Variants in LRRC36 observed in about 807,000 individuals in gnomAD.
LRRC36 encodes leucine-rich repeat-containing protein 36.
In LRRC36, 62 loss-of-function variants were observed where a neutral mutation model predicts 81.1. That is an observed-to-expected ratio of 0.76 (90% confidence interval 0.62 to 0.94). The LOEUF (loss-of-function observed/expected upper bound fraction) is 0.94, where lower values mean the gene tolerates loss of function less well. Ranked by LOEUF, LRRC36 falls within the 40% of genes least tolerant of loss-of-function variation. The pLI, the probability that LRRC36 is intolerant of heterozygous loss-of-function variation, is 0.00. For missense variants in LRRC36, 761 were observed against 881.7 expected (o/e 0.86, Z 1.73); for synonymous variants, 334 against 348.6 (o/e 0.96, Z 0.47).
rs980623178 is a variant in LRRC36, at chr16:67,335,879, T to A, written c.71-6078T>A. Among the ~76,000 whole-genome samples the A allele has an allele frequency of 3.3e-5, 5 of 152,168 alleles. 1 individual carries two copies. On this transcript the variant is annotated intron_variant, in intron 1 of 13. Coordinates refer to ENST00000329956, the MANE Select transcript of LRRC36 (RefSeq NM_018296.6). ...TCCCGAGTAGCTGGGATTACGGGCA[T>A]GTGCCACTACGCCCAGCTAATTTTG...
At chr16:67,336,713 C>T (rs2037780190) in intron 1 of LRRC36, 1 of 151,810 alleles carries the variant, frequency 6.6e-6, no homozygotes, top group Non-Finnish European at 1.5e-5. Context: ...TCAGCCTCCC[C>T]AGTAACTGAG....
chr16:67,373,920 T>C (rs1239840384), intron 9 of LRRC36, among the ~76,000 whole-genome samples: 1 of 150,624 alleles, frequency 6.6e-6, no homozygotes, highest in Non-Finnish European at 1.5e-5. Flanking sequence ...GACTGAGTCA[T>C]GAGAATTGCT....
intron 5 of LRRC36, among the ~76,000 whole-genome samples, chr16:67,357,679 C>T (rs917638900): frequency 1.3e-5 from 2 of 152,148 alleles, no homozygotes; most frequent in Non-Finnish European, 2.9e-5. Flanking sequence ...GGAGATGGTT[C>T]TTGATAGCTA....
In LRRC36 at chr16:67,376,986, G is replaced by T. The variant is rs1484065832; in HGVS notation, c.1806+114G>T. 4 of 1,174,582 alleles carry T rather than the reference G, an allele frequency of 3.4e-6. No homozygotes were observed. The African/African-American group carries it at 4.6e-5, about 14-fold the overall frequency. 72.8% of individuals were successfully genotyped at this position (1,174,582 alleles called of 1,614,324 possible). A position where few individuals can be genotyped will look rare whatever the true frequency, so the allele number is the denominator to read the frequency against. ...TAACCAAAATATGGCAAAAGTCTGG[G>T]CACAGCAGGAATACAAAACTTGCTA... On this transcript the variant is annotated intron_variant, in intron 11 of 13. Transcript: ENST00000329956.
chr16:67,338,337 A>G (rs1414261434), intron 1 of LRRC36, among the ~76,000 whole-genome samples: 1 of 152,186 alleles, frequency 6.6e-6, no homozygotes, highest in Admixed American at 6.6e-5. Flanking sequence ...GTTTTGTTTA[A>G]AAGAAGACAG....
chr16:67,373,001 G>A (rs2039717093), intron 9 of LRRC36, among the ~76,000 whole-genome samples: 1 of 152,006 alleles, frequency 6.6e-6, no homozygotes, highest in Non-Finnish European at 1.5e-5. Context: ...AGCATATTTG[G>A]GATGTTATAT....
chr16:67,374,309 T>A (rs2142147179), intron 9 of LRRC36, among the ~76,000 whole-genome samples: 1 of 152,190 alleles, frequency 6.6e-6, no homozygotes, highest in South Asian at 2.1e-4. Flanking sequence ...ATTTTTAAAA[T>A]GTTCTGCAAT....
chr16:67,341,365 T>G (rs1273783357), intron 1 of LRRC36, among the ~76,000 whole-genome samples: 1 of 149,992 alleles, frequency 6.7e-6, no homozygotes, highest in Non-Finnish European at 1.5e-5. Context: ...TTAATTTAAT[T>G]CTTGTAACAC....
chr16:67,340,621 A>C (rs1454243069), intron 1 of LRRC36, among the ~76,000 whole-genome samples: 1 of 151,892 alleles, frequency 6.6e-6, no homozygotes, highest in Non-Finnish European at 1.5e-5. Context: ...ACACCACTGC[A>C]CTCCAGCTTG....
intron 9 of LRRC36, 92 bp from the exon 10 acceptor site, chr16:67,375,155 C>A (rs2142151786): frequency 7.3e-7 from 1 of 1,375,392 alleles, no homozygotes. Context: ...AAAAAAGTCT[C>A]AATGTCTAAA....
chr16:67,362,023 G>A (rs1444337940), intron 5 of LRRC36, among the ~76,000 whole-genome samples: 3 of 151,910 alleles, frequency 2.0e-5, no homozygotes, highest in Non-Finnish European at 1.5e-5. Flanking sequence ...TTGAGCCCAG[G>A]AGTTCTAAAC....
At chr16:67,340,726 T>C (rs1293860567) in intron 1 of LRRC36, among the ~76,000 whole-genome samples, 1 of 149,778 alleles carries the variant, frequency 6.7e-6, no homozygotes, top group African/African-American at 2.4e-5. Context: ...TCTATATATA[T>C]ACTCTATAGA....
intron 13 of LRRC36, among the ~76,000 whole-genome samples, chr16:67,383,071 CAA>C (rs59297593): frequency 0.03 from 1,307 of 44,116 alleles, 5 homozygotes; most frequent in Non-Finnish European, 0.053. Flanking sequence ...GGCTCCGTCT[CAA>C]AAAAAAAAAA....
In LRRC36 at chr16:67,331,756, G is replaced by A. The variant is rs372507781; in HGVS notation, c.70+4824G>A. On this transcript the variant is annotated intron_variant, in intron 1 of 13. Transcript: ENST00000329956. ...TAATCCCAGCACTTTGGGAAGCCGA[G>A]GGGGGTGGATCACCTGAGGTTGGGA... 5.2e-4 allele frequency among the ~76,000 whole-genome samples: 79 copies of A among 152,226 alleles called. 1 individual carries two copies. Among genetic ancestry groups the A allele is most frequent in the African/African-American group, 1.7e-3 (69 of 41,546 alleles).
chr16:67,368,015 G>A (rs2142113655), intron 8 of LRRC36, among the ~76,000 whole-genome samples: 1 of 152,244 alleles, frequency 6.6e-6, no homozygotes, highest in East Asian at 1.9e-4. Context: ...GCCAAGATCG[G>A]GCCACTGCAC....
intron 1 of LRRC36, among the ~76,000 whole-genome samples, chr16:67,332,809 G>A (rs2037559573): frequency 6.6e-6 from 1 of 152,006 alleles, no homozygotes; most frequent in Admixed American, 6.6e-5. Flanking sequence ...GACTCTCAGG[G>A]TGTTAGATCA....
At chr16:67,354,269 T>G (rs987344999) in intron 5 of LRRC36, among the ~76,000 whole-genome samples, 3 of 152,062 alleles carry the variant, frequency 2.0e-5, no homozygotes, top group African/African-American at 7.2e-5. Flanking sequence ...CCCATCCATT[T>G]TAATGAAACT....
intron 7 of LRRC36, among the ~76,000 whole-genome samples, chr16:67,366,761 A>G (rs2039414779): frequency 6.6e-6 from 1 of 151,826 alleles, no homozygotes; most frequent in East Asian, 1.9e-4. Context: ...AAAAAAAAAA[A>G]GAAACAGAAT....
chr16:67,357,271 T>C (rs1477137125), intron 5 of LRRC36, among the ~76,000 whole-genome samples: 1 of 152,228 alleles, frequency 6.6e-6, no homozygotes, highest in Non-Finnish European at 1.5e-5. Context: ...TTACTAAGAT[T>C]ACATGGAGTC....
Sources: allele counts gnomAD v4.1 joint callset (sites outside exome capture counted in the v4.1 genomes callset), GRCh38; gene constraint gnomAD v4.1.1; transcripts MANE v1.5; gene names NCBI Gene and HGNC (gene_info 2026-07-23, HGNC 2026-07-21).